STPG2: variants seen among roughly 807,000 people sequenced by gnomAD.
STPG2 encodes sperm-tail PG-rich repeat-containing protein 2.
Under a neutral mutation model 54.2 loss-of-function variants are expected in STPG2, and 56 were observed. The ratio of observed to expected loss-of-function variants is 1.03; its 90% CI spans 0.83 to 1.29. The LOEUF is 1.29. Ranked by LOEUF, STPG2 falls within the 50% of genes most tolerant of loss-of-function variation. STPG2 has a pLI of 0.00. For missense variants in STPG2, 596 were observed against 544.9 expected, an observed-to-expected ratio of 1.09 and a Z score of -0.93; for synonymous variants, 200 against 181.8, an observed-to-expected ratio of 1.10 and a Z score of -0.81.
At chr4:98,086,788 T>C (rs1187764227) in intron 5 of STPG2, among the ~76,000 whole-genome samples, 1 of 152,076 alleles carries the variant, frequency 6.6e-6, no homozygotes, top group Non-Finnish European at 1.5e-5. Context: ...GCAACCATCT[T>C]ATCATATTTC....
intron 9 of STPG2, among the ~76,000 whole-genome samples, chr4:97,718,903 G>T (rs1007002118): frequency 2.5e-4 from 38 of 151,786 alleles, no homozygotes; most frequent in African/African-American, 8.5e-4. Context: ...ATCAACTAAG[G>T]CTGAATATTC....
chr4:97,566,139 G>A (rs537404870), intron 10 of STPG2, among the ~76,000 whole-genome samples: 1 of 152,300 alleles, frequency 6.6e-6, no homozygotes, highest in South Asian at 2.1e-4. Context: ...CCTGGGCAAT[G>A]GCGGGTGCCT....
rs191943755 is a variant in STPG2 at position 98,018,451 on chromosome 4, G to A, written c.613-37133C>T. ...ATTTGGGTTGGTTCCAAGTCTTTGC[G>A]ATTGTGAGTAGTGCCACAATAAACA... On this transcript the variant is annotated intron_variant, in intron 5 of 10. Transcript: ENST00000295268. Among the ~76,000 whole-genome samples the A allele has an allele frequency of 3.3e-3, 506 of 152,226 alleles. 1 individual carries two copies. Among genetic ancestry groups the A allele is most frequent in the Non-Finnish European group, 5.5e-3 (376 of 68,014 alleles).
intron 10 of STPG2, among the ~76,000 whole-genome samples, chr4:97,587,231 T>C (rs1236513767): frequency 6.6e-6 from 1 of 151,950 alleles, no homozygotes; most frequent in Non-Finnish European, 1.5e-5. Flanking sequence ...TCTAAATAAC[T>C]AGTTAAATAT....
intron 5 of STPG2, among the ~76,000 whole-genome samples, chr4:98,069,016 G>A (rs918935735): frequency 4.6e-5 from 7 of 152,044 alleles, no homozygotes; most frequent in Non-Finnish European, 8.8e-5. Context: ...AGACTGTAGG[G>A]TGACAACCAC....
At chr4:97,814,323 T>A (rs1207409349) in intron 9 of STPG2, among the ~76,000 whole-genome samples, 1 of 151,954 alleles carries the variant, frequency 6.6e-6, no homozygotes, top group Admixed American at 6.6e-5. Flanking sequence ...AAGATACATT[T>A]TGTTTTGTTT....
At chr4:98,057,119 C>T (rs1377438297) in intron 5 of STPG2, among the ~76,000 whole-genome samples, 1 of 152,168 alleles carries the variant, frequency 6.6e-6, no homozygotes, top group Non-Finnish European at 1.5e-5. Flanking sequence ...CTGAAGAATG[C>T]TGAAAATTCT....
chr4:97,588,460 CA>C (rs1733054480), intron 10 of STPG2, among the ~76,000 whole-genome samples: 1 of 151,736 alleles, frequency 6.6e-6, no homozygotes, highest in Non-Finnish European at 1.5e-5. Context: ...ATTTACAGAC[CA>C]AAATGTACAA....
chr4:97,535,495 A>C (rs898469521), intron 4 of STPG2, among the ~76,000 whole-genome samples: 6 of 151,906 alleles, frequency 3.9e-5, no homozygotes, highest in Non-Finnish European at 5.9e-5. Context: ...TTTCATTTCC[A>C]TTTTTGAAGG....
chr4:98,013,579 G>GTT (rs1735826677), intron 5 of STPG2, among the ~76,000 whole-genome samples: 1 of 96,668 alleles, frequency 1.0e-5, no homozygotes, highest in African/African-American at 4.3e-5. Flanking sequence ...CTGGTCCTGG[G>GTT]CTTTTTTTTT....
rs994804445 is a variant in STPG2, at chr4:97,934,144, C to T, written c.1044+9753G>A. Among the ~76,000 whole-genome samples, 4 of 152,136 alleles carry T rather than the reference C, an allele frequency of 2.6e-5. No homozygotes were observed. The South Asian group carries it at 8.3e-4, about 31-fold the overall frequency. ...GTAGCAAGTGTGAATGGGAATTACT[C>T]ATGATTTGGCTCTGTGCTTGTCTAT... is the stretch of plus-strand genomic sequence containing the variant. On this transcript the variant is annotated intron_variant, in intron 8 of 10. Transcript: ENST00000295268.
intron 5 of STPG2, among the ~76,000 whole-genome samples, chr4:98,094,128 C>T (rs144156256): frequency 1.4e-4 from 22 of 152,214 alleles, no homozygotes; most frequent in Non-Finnish European, 2.6e-4. Context: ...GGCAGTGCAG[C>T]TTATAGCAAT....
intron 10 of STPG2, among the ~76,000 whole-genome samples, chr4:97,699,052 T>A (rs911860810): frequency 6.6e-6 from 1 of 152,164 alleles, no homozygotes; most frequent in African/African-American, 2.4e-5. Context: ...AGGACAAACC[T>A]CTGCCCTTTC....
At chr4:97,465,556 C>T (rs573661901) in intron 4 of STPG2, among the ~76,000 whole-genome samples, 8 of 152,030 alleles carry the variant, frequency 5.3e-5, no homozygotes, top group African/African-American at 1.9e-4. Context: ...ATTCTTTTAT[C>T]TTATACAGTA....
At chr4:97,745,943 A>C (rs1425484124) in intron 9 of STPG2, among the ~76,000 whole-genome samples, 1 of 151,294 alleles carries the variant, frequency 6.6e-6, no homozygotes, top group African/African-American at 2.4e-5. Flanking sequence ...AAGATGTAGT[A>C]ATGGAAGATG....
intron 9 of STPG2, among the ~76,000 whole-genome samples, chr4:97,793,232 C>T (rs1316651074): frequency 6.6e-6 from 1 of 151,972 alleles, no homozygotes; most frequent in African/African-American, 2.4e-5. Flanking sequence ...CATTTTTCTG[C>T]TTTATTTTTT....
At chr4:97,989,075 A>C (rs1015373494) in intron 5 of STPG2, among the ~76,000 whole-genome samples, 1 of 152,210 alleles carries the variant, frequency 6.6e-6, no homozygotes, top group African/African-American at 2.4e-5. Flanking sequence ...CCAAAAGTGC[A>C]TGACACCTTG....
At chr4:98,113,063 G>GA (rs761426772) in intron 3 of STPG2, among the ~76,000 whole-genome samples, 282 of 140,388 alleles carry the variant, frequency 2.0e-3, no homozygotes, top group East Asian at 2.9e-3. Flanking sequence ...TTGGCTAAAA[G>GA]AAAAAAAAAA....
intron 10 of STPG2, among the ~76,000 whole-genome samples, chr4:97,711,589 C>T (rs943695134): frequency 3.3e-5 from 5 of 151,652 alleles, no homozygotes; most frequent in African/African-American, 9.7e-5. Flanking sequence ...TTTGATTACT[C>T]ATTTTCATTT....
Sources: allele counts gnomAD v4.1 joint callset (sites outside exome capture counted in the v4.1 genomes callset), GRCh38; gene constraint gnomAD v4.1.1; transcripts MANE v1.5; gene names NCBI Gene and HGNC (gene_info 2026-07-23, HGNC 2026-07-21).